Variants in NPAS3 observed in about 807,000 individuals in gnomAD.
NPAS3 encodes the protein neuronal PAS domain protein 3.
In NPAS3, 14 loss-of-function variants were observed where a neutral mutation model predicts 73.1. The observed-to-expected ratio is 0.19, with a 90% CI of 0.13 to 0.30. The LOEUF (loss-of-function observed/expected upper bound fraction) is 0.30, where lower values mean the gene tolerates loss of function less well. Ranked by LOEUF, NPAS3 falls within the 10% of genes least tolerant of loss-of-function variation. The probability of loss-of-function intolerance (pLI) is 1.00; values close to 1 mark genes in which losing one functional copy is unlikely to be tolerated. For missense variants in NPAS3, 1,096 were observed against 1,250.0 expected (o/e 0.88, Z 1.86); for synonymous variants, 620 against 541.5 (o/e 1.14, Z -2.01).
intron 5 of NPAS3, among the ~76,000 whole-genome samples, chr14:33,587,516 C>T (rs536092401): frequency 6.6e-6 from 1 of 152,280 alleles, no homozygotes; most frequent in Non-Finnish European, 1.5e-5. Flanking sequence ...ATCTACTTCA[C>T]AGAACTGCTG....
chr14:33,410,944 C>A (rs774623492), intron 4 of NPAS3, among the ~76,000 whole-genome samples: 6 of 152,156 alleles, frequency 3.9e-5, no homozygotes, highest in Admixed American at 1.3e-4. Context: ...CCGCATCCAG[C>A]TGAATAGTTG....
intron 3 of NPAS3, among the ~76,000 whole-genome samples, chr14:33,342,217 G>A (rs1165334269): frequency 6.6e-6 from 1 of 152,210 alleles, no homozygotes; most frequent in Non-Finnish European, 1.5e-5. Context: ...CCCTCTGTGT[G>A]TTGAGGTGAT....
intron 2 of NPAS3, among the ~76,000 whole-genome samples, chr14:33,176,872 C>A (rs2045606355): frequency 6.6e-6 from 1 of 151,966 alleles, no homozygotes; most frequent in Admixed American, 6.6e-5. Context: ...CATATCCTTG[C>A]CAAGACTTGT....
chr14:33,405,155 A>G (rs993263911), intron 4 of NPAS3, among the ~76,000 whole-genome samples: 1 of 151,870 alleles, frequency 6.6e-6, no homozygotes, highest in Non-Finnish European at 1.5e-5. Flanking sequence ...TAATGGCTGC[A>G]TGTTGCTGCA....
chr14:33,644,197 CT>C (rs1217734316), intron 5 of NPAS3, among the ~76,000 whole-genome samples: 1 of 152,144 alleles, frequency 6.6e-6, no homozygotes, highest in Non-Finnish European at 1.5e-5. Context: ...CAAAATGTGC[CT>C]TTTGCCATTG....
chr14:33,733,354 T>G (rs1359070887), intron 6 of NPAS3, among the ~76,000 whole-genome samples: 2 of 151,964 alleles, frequency 1.3e-5, no homozygotes, highest in Non-Finnish European at 2.9e-5. Context: ...GCTCTCGGCA[T>G]CCCTTACGAG....
intron 2 of NPAS3, among the ~76,000 whole-genome samples, chr14:33,191,567 T>C (rs1299039500): frequency 1.3e-5 from 2 of 152,140 alleles, no homozygotes; most frequent in Admixed American, 1.3e-4. Context: ...CAGCACTAGA[T>C]GAATAGCAGA....
At chr14:33,663,495 G>A (rs1042347838) in intron 5 of NPAS3, among the ~76,000 whole-genome samples, 6 of 152,192 alleles carry the variant, frequency 3.9e-5, no homozygotes, top group East Asian at 3.9e-4. Context: ...TTTTCAAATC[G>A]ATGTTCATCA....
intron 3 of NPAS3, among the ~76,000 whole-genome samples, chr14:33,240,989 A>C (rs1274228034): frequency 6.6e-6 from 1 of 151,944 alleles, no homozygotes; most frequent in African/African-American, 2.4e-5. Context: ...ATGTTAAATA[A>C]GTCTTAGCAT....
In NPAS3 at chr14:33,563,537, CAGAG is replaced by C. The variant is rs1286632432; in HGVS notation, c.558+3352_558+3355del. The stretch of plus-strand genomic sequence containing the variant: ...ATACATACACACACACACACACACA[CAGAG>C]AGAGAGAGAGAGAGAGAGAGAGAGG... On this transcript the variant is annotated intron_variant, in intron 5 of 11. Transcript: ENST00000356141. Among the ~76,000 whole-genome samples the C allele has an allele frequency of 2.0e-3, 241 of 119,686 alleles. 3 individuals are homozygous for C. The highest frequency in any genetic ancestry group is 4.4e-3 in the Middle Eastern group (1 of 228). The allele number at this position is 119,686 out of a possible 152,430, so 78.5% of individuals were successfully genotyped here.
intron 3 of NPAS3, among the ~76,000 whole-genome samples, chr14:33,335,176 C>G (rs1330353047): frequency 6.6e-6 from 1 of 152,048 alleles, no homozygotes; most frequent in African/African-American, 2.4e-5. Context: ...GTTCAACTAT[C>G]TTTTTTGTAT....
chr14:33,069,377 A>C (rs753331867), intron 2 of NPAS3, among the ~76,000 whole-genome samples: 21 of 152,214 alleles, frequency 1.4e-4, no homozygotes, highest in Non-Finnish European at 1.9e-4. Context: ...CAAGTTCCTT[A>C]GAGATATTTA....
At chr14:33,783,879 C>T (rs2063060347) in intron 9 of NPAS3, among the ~76,000 whole-genome samples, 2 of 152,166 alleles carry the variant, frequency 1.3e-5, no homozygotes, top group South Asian at 4.1e-4. Context: ...CCATACTAGT[C>T]TTTAGACGGC....
intron 3 of NPAS3, among the ~76,000 whole-genome samples, chr14:33,292,363 G>A (rs771063010): frequency 5.3e-5 from 8 of 152,218 alleles, no homozygotes; most frequent in East Asian, 1.9e-4. Context: ...CTCTGTCCTC[G>A]ACGTTTTCTG....
At chr14:33,355,368 T>C (rs560939662) in intron 3 of NPAS3, among the ~76,000 whole-genome samples, 56 of 152,276 alleles carry the variant, frequency 3.7e-4, no homozygotes, top group African/African-American at 1.3e-3. Context: ...TGGCGAGATC[T>C]CGGCTCACTG....
At chr14:33,593,666 G>T (rs889566142) in intron 5 of NPAS3, among the ~76,000 whole-genome samples, 16 of 152,100 alleles carry the variant, frequency 1.1e-4, no homozygotes, top group Admixed American at 7.2e-4. Flanking sequence ...GATTTCTAAG[G>T]TTTCTTCTAA....
intron 3 of NPAS3, among the ~76,000 whole-genome samples, chr14:33,348,541 A>C (rs1380418593): frequency 6.6e-6 from 1 of 152,214 alleles, no homozygotes; most frequent in African/African-American, 2.4e-5. Flanking sequence ...CTTTTAGACC[A>C]TTCAGAAACA....
chr14:33,757,611 T>A (rs1033015933), intron 7 of NPAS3, among the ~76,000 whole-genome samples: 1 of 152,110 alleles, frequency 6.6e-6, no homozygotes, highest in Admixed American at 6.5e-5. Context: ...TTTCAAGAAT[T>A]TGTATTACAG....
intron 4 of NPAS3, among the ~76,000 whole-genome samples, chr14:33,472,883 G>A (rs2050850566): frequency 1.3e-5 from 2 of 150,768 alleles, no homozygotes; most frequent in Non-Finnish European, 2.9e-5. Context: ...TTTCCAAAAG[G>A]ATTTGAAAAG....
Sources: allele counts gnomAD v4.1 joint callset (sites outside exome capture counted in the v4.1 genomes callset), GRCh38; gene constraint gnomAD v4.1.1; transcripts MANE v1.5; gene names NCBI Gene and HGNC (gene_info 2026-07-23, HGNC 2026-07-21).